The following AAK1 variants were observed in gnomAD, a reference collection of about 807,000 sequenced individuals.
AAK1 encodes the protein AP2-associated protein kinase 1.
AAK1 carries 37 observed loss-of-function variants against 116.0 expected under a neutral mutation model. The ratio of observed to expected loss-of-function variants is 0.32; its 90% CI spans 0.25 to 0.42. AAK1 has a LOEUF of 0.42. Among genes scored for constraint, AAK1 ranks in the 10% least tolerant of loss-of-function variants. AAK1 has a pLI of 1.00. For synonymous variants in AAK1, 458 were observed against 439.9 expected, an observed-to-expected ratio of 1.04 and a Z score of -0.51; for missense variants, 919 against 1,170.6, an observed-to-expected ratio of 0.79 and a Z score of 3.14.
intron 8 of AAK1, among the ~76,000 whole-genome samples, chr2:69,529,169 T>C (rs1431114544): frequency 3.9e-5 from 6 of 152,232 alleles, no homozygotes; most frequent in Non-Finnish European, 8.8e-5. Flanking sequence ...ATTTTAAGAA[T>C]TAAATGAGGT....
chr2:69,509,338 C>T lies in AAK1; in HGVS notation c.1899G>A (p.Arg633=). 6.2e-7 allele frequency: 1 copy of T among 1,613,916 alleles called. No individual in the cohort carries two copies. The highest frequency in any genetic ancestry group is 8.5e-7 in the Non-Finnish European group (1 of 1,179,872). ...SSPKTQRAGH[R]RILSDVTHSA... ...TGTGGGTTACGTCACTGAGAATACGCCTGTGCCCAGCACGTTGGGTTTTGG... is the reference window on the plus strand; with the variant it reads ...TGTGGGTTACGTCACTGAGAATACGTCTGTGCCCAGCACGTTGGGTTTTGG... Residue 633 remains arginine, a synonymous_variant, in exon 14 of 22, where the codon AGG becomes AGA. Transcript: ENST00000409085.
chr2:69,619,231 C>T (rs1674476877), intron 2 of AAK1, among the ~76,000 whole-genome samples: 1 of 152,184 alleles, frequency 6.6e-6, no homozygotes, highest in Non-Finnish European at 1.5e-5. Flanking sequence ...ACCCAACTCT[C>T]AGGAGTATCC....
At position 69,460,414 on chromosome 2, in the gene AAK1, T is replaced by A. The variant is rs1284510369; in HGVS notation, c.*15455A>T. ...ATACAGAATTTCCTTGTCAGATCAC[T>A]CTGATGATTATAATCTGCTACTTTG... On this transcript the variant is annotated 3_prime_UTR_variant, in exon 22 of 22. Coordinates refer to ENST00000409085, the MANE Select transcript of AAK1 (RefSeq NM_014911.5). 6.6e-6 allele frequency: 1 copy of A among 152,666 alleles called. No individual in the cohort carries two copies. Among genetic ancestry groups the A allele is most frequent in the Non-Finnish European group, 1.5e-5 (1 of 68,044 alleles). The allele number at this position is 152,666 out of a possible 1,614,324, so 9.5% of individuals were successfully genotyped here.
At chr2:69,614,349 G>A (rs530923298) in intron 2 of AAK1, among the ~76,000 whole-genome samples, 1 of 152,278 alleles carries the variant, frequency 6.6e-6, no homozygotes. Flanking sequence ...ACAGGGACAG[G>A]TGTAACAGCT....
chr2:69,595,036 CG>C lies in AAK1; in HGVS notation c.164-38059del, dbSNP rs373887422. 4.2e-4 allele frequency: 312 copies of C among 741,576 alleles called. 2 individuals carry two copies. The African/African-American group carries it at 4.8e-3, about 11-fold the overall frequency. 45.9% of individuals were successfully genotyped at this position (741,576 alleles called of 1,614,324 possible). ...TGCCACACTTCTGACACAAGTCCAG[CG>C]GGTTTTAGGAACGTTCACCATGTTT... is the stretch of plus-strand genomic sequence containing the variant. On this transcript the variant is annotated intron_variant, in intron 2 of 21. Transcript: ENST00000409085.
Position 69,506,868 on chromosome 2 carries a change from CTG to C in AAK1, c.2164+551_2164+552del, listed in dbSNP as rs10531990. 5.4e-3 allele frequency among the ~76,000 whole-genome samples: 807 copies of C among 149,140 alleles called. 6 individuals are homozygous for C. Among genetic ancestry groups the C allele is most frequent in the African/African-American group, 8.6e-3 (349 of 40,538 alleles). ...TTTGTTCCAAAGTGTGTGCATGTGCCTGTGTGTGTGTGTGTGTGTGTGTGTGT... is the reference window on the plus strand; with the variant it reads ...TTTGTTCCAAAGTGTGTGCATGTGCCTGTGTGTGTGTGTGTGTGTGTGTGT... On this transcript the variant is annotated intron_variant, in intron 15 of 21. Coordinates refer to ENST00000409085, the MANE Select transcript of AAK1 (RefSeq NM_014911.5).
chr2:69,587,409 A>ATG (rs1572982862), intron 2 of AAK1, among the ~76,000 whole-genome samples: 1 of 151,140 alleles, frequency 6.6e-6, no homozygotes, highest in Non-Finnish European at 1.5e-5. Flanking sequence ...ATATATACAC[A>ATG]TGTGTATATA....
intron 2 of AAK1, among the ~76,000 whole-genome samples, chr2:69,624,842 G>A (rs17036833): frequency 0.027 from 4,036 of 152,170 alleles, 135 homozygotes; most frequent in African/African-American, 0.076. Flanking sequence ...TGGAATAACC[G>A]AAACAATATT....
At chr2:69,555,289 G>A (rs1264424913) in intron 3 of AAK1, among the ~76,000 whole-genome samples, 2 of 152,266 alleles carry the variant, frequency 1.3e-5, no homozygotes, top group East Asian at 3.8e-4. Flanking sequence ...TTGACTGTAT[G>A]TATATGGCCC....
At position 69,480,911 on chromosome 2, in the gene AAK1, C is replaced by A. The variant is rs745911476; in HGVS notation, c.2518G>T (p.Val840Phe). The A allele has an allele frequency of 1.9e-6, 3 of 1,607,416 alleles. No individual in the cohort carries two copies. The African/African-American group carries it at 4.0e-5, about 21-fold the overall frequency. ...ESLIPGLEPPVPQRLPSQTES... is the reference protein window; with the variant it reads ...ESLIPGLEPPFPQRLPSQTES... ...GTCTGAGATGGGAGGCGCTGGGGAA[C>A]TGGGGGCTCCAGTCCTGGTATGAGA... The change falls in exon 19 of 22, where the codon GTT (valine) becomes TTT (phenylalanine). Residue 840 changes from valine to phenylalanine, a missense_variant. Around this residue, in one of 4 missense-constraint regions of AAK1, gnomAD observed 263 missense variants for 285.5 expected, o/e 0.92. Transcript: ENST00000409085.
chr2:69,584,400 C>T (rs1488158861), intron 2 of AAK1, among the ~76,000 whole-genome samples: 1 of 152,038 alleles, frequency 6.6e-6, no homozygotes, highest in East Asian at 1.9e-4. Context: ...TTGGTAATAC[C>T]ATGTTTTGAT....
rs184358892 is a variant in AAK1, at chr2:69,537,203, T to C, written c.535-5041A>G. ...ATGATCTGCAATACTGATCTTTATC[T>C]TTCTCAGAGAAATGAAAATTTAAAA... On this transcript the variant is annotated intron_variant, in intron 5 of 21. Coordinates refer to ENST00000409085, the MANE Select transcript of AAK1 (RefSeq NM_014911.5). Among the ~76,000 whole-genome samples the C allele has an allele frequency of 7.2e-5, 11 of 152,360 alleles. No homozygotes were observed. In the East Asian group the frequency reaches 2.1e-3, roughly 29 times the overall value.
At chr2:69,479,146 T>G (rs1674986371) in intron 19 of AAK1, 85 bp from the exon 20 acceptor site, 1 of 964,812 alleles carries the variant, frequency 1.0e-6, no homozygotes, top group Non-Finnish European at 1.6e-6. Context: ...TCTTAGCTTT[T>G]AAGTTACTGC....
At chr2:69,536,161 T>C (rs933173107) in intron 5 of AAK1, among the ~76,000 whole-genome samples, 3 of 152,162 alleles carry the variant, frequency 2.0e-5, no homozygotes, top group African/African-American at 7.2e-5. Context: ...ACCGTGCTGA[T>C]GTGCATTGTG....
At chr2:69,548,487 TCTTTCTCTCTCCTTC>T (rs1365332700) in intron 3 of AAK1, among the ~76,000 whole-genome samples, 7 of 152,026 alleles carry the variant, frequency 4.6e-5, no homozygotes, top group African/African-American at 2.4e-5. Context: ...CCTTTCTTTT[TCTTTCTCTCTCCTTC>T]CTTTCTCTCT....
intron 7 of AAK1, 146 bp downstream of exon 7, chr2:69,530,479 T>A (rs971218299): frequency 1.6e-5 from 10 of 621,738 alleles, no homozygotes; most frequent in Non-Finnish European, 2.7e-5. Flanking sequence ...TGGCTGGTAT[T>A]CTCACATCAA....
rs966123440 is a variant in AAK1 at position 69,556,930 on chromosome 2, C to T, written c.212G>A (p.Cys71Tyr). ...FLVRTSNGMK[C>Y]ALKRMFVNNE... The stretch of plus-strand genomic sequence containing the variant: ...GTTGACAAACATGCGTTTCAAGGCA[C>T]ATTTCATCCCATTGCTTGTCCTCAC... The change falls in exon 3 of 22, where the codon TGT (cysteine) becomes TAT (tyrosine). Residue 71 changes from cysteine (C) to tyrosine (Y), a missense_variant. Coordinates refer to ENST00000409085, the MANE Select transcript of AAK1 (RefSeq NM_014911.5). 1.5e-5 allele frequency: 25 copies of T among 1,613,862 alleles called. No homozygotes were observed. Among genetic ancestry groups the T allele is most frequent in the Non-Finnish European group, 1.9e-5 (23 of 1,179,860 alleles).
rs368254571 is a variant in AAK1, at chr2:69,514,581, G to A, written c.1666C>T (p.Leu556=). 9 of 1,576,422 alleles carry A rather than the reference G, an allele frequency of 5.7e-6. No individual in the cohort carries two copies. The highest frequency in any genetic ancestry group is 7.8e-6 in the Non-Finnish European group (9 of 1,161,030). ...QLATALHQQQ[L]MTQQAALQQK... Reference sequence around the variant, plus strand: ...TGCAAGGCAGCCTGCTGAGTCATCAGCTGTTGTTGATGCAGGGCTGTGGCC... The same window carrying A: ...TGCAAGGCAGCCTGCTGAGTCATCAACTGTTGTTGATGCAGGGCTGTGGCC... Residue 556 remains leucine (L), a synonymous_variant, in exon 13 of 22, where the codon CTG becomes TTG. Transcript: ENST00000409085.
intron 17 of AAK1, among the ~76,000 whole-genome samples, chr2:69,484,190 G>C (rs749417332): frequency 1.3e-5 from 2 of 152,198 alleles, no homozygotes; most frequent in African/African-American, 4.8e-5. Flanking sequence ...ATATAACGTT[G>C]TAATAAATCT....
Sources: allele counts gnomAD v4.1 joint callset (sites outside exome capture counted in the v4.1 genomes callset), GRCh38; gene constraint gnomAD v4.1.1; regional missense constraint gnomAD v4.1.1; transcripts MANE v1.5; gene names NCBI Gene and HGNC (gene_info 2026-07-23, HGNC 2026-07-21).